Variants in MED31 observed in about 807,000 individuals in gnomAD.
MED31 encodes the protein mediator of RNA polymerase II transcription subunit 31.
A neutral mutation model predicts 22.0 loss-of-function variants in MED31; 11 were observed. The ratio of observed to expected loss-of-function variants is 0.50; its 90% CI spans 0.31 to 0.83. The LOEUF is 0.83. Ranked by LOEUF, MED31 falls within the 40% of genes least tolerant of loss-of-function variation. The pLI is 0.04. For missense variants in MED31, 122 were observed against 155.3 expected, an observed-to-expected ratio of 0.79 and a Z score of 1.14; for synonymous variants, 60 against 55.1, an observed-to-expected ratio of 1.09 and a Z score of -0.40.
At chr17:6,646,935 TGA>T (rs200721428) in intron 3 of MED31, among the ~76,000 whole-genome samples, 2,649 of 152,324 alleles carry the variant, frequency 0.017, 34 homozygotes, top group Non-Finnish European at 0.031. Context: ...CGTTCTATTC[TGA>T]GATAGGAGAA....
In MED31 at chr17:6,643,989, T is replaced by C. The variant is rs1413005089; in HGVS notation, c.*478A>G. The stretch of plus-strand genomic sequence containing the variant: ...GTCCTGCAGAATTCAAGAACCTTTA[T>C]GCAGTTCCTGTCCTATGATTTAAAG... On this transcript the variant is annotated 3_prime_UTR_variant, in exon 4 of 4. Coordinates refer to ENST00000225728, the MANE Select transcript of MED31 (RefSeq NM_016060.3). 2.5e-6 allele frequency: 1 copy of C among 398,228 alleles called. No homozygotes were observed. Among genetic ancestry groups the C allele is most frequent in the Non-Finnish European group, 4.4e-6 (1 of 226,204 alleles). 24.7% of individuals were successfully genotyped at this position (398,228 alleles called of 1,614,324 possible).
chr17:6,649,606 T>C (rs1462243089), intron 3 of MED31, among the ~76,000 whole-genome samples: 4 of 152,212 alleles, frequency 2.6e-5, no homozygotes, highest in African/African-American at 9.7e-5. Flanking sequence ...GGCCAGATCG[T>C]ATAAGGCTTT....
At chr17:6,649,906 T>C in intron 3 of MED31, 76 bp downstream of exon 3, 1 of 1,342,452 alleles carries the variant, frequency 7.4e-7, no homozygotes, top group South Asian at 1.7e-5. Flanking sequence ...CAAATACATT[T>C]TTGCCAATGT....
At chr17:6,645,461 C>T (rs1015184407) in intron 3 of MED31, among the ~76,000 whole-genome samples, 1 of 151,952 alleles carries the variant, frequency 6.6e-6, no homozygotes, top group African/African-American at 2.4e-5. Context: ...AGCAGGTTTC[C>T]TTGGAGAAAA....
intron 1 of MED31, among the ~76,000 whole-genome samples, chr17:6,651,067 G>C (rs1166127410): frequency 7.6e-6 from 1 of 131,638 alleles, no homozygotes; most frequent in Non-Finnish European, 1.5e-5. Context: ...CTTGCAGTGA[G>C]CCGAGATCGC....
At chr17:6,646,512 A>G (rs1972769346) in intron 3 of MED31, among the ~76,000 whole-genome samples, 1 of 152,130 alleles carries the variant, frequency 6.6e-6, no homozygotes, top group African/African-American at 2.4e-5. Context: ...TTTAGCCCCA[A>G]CTCTGTGCCC....
Position 6,644,188 on chromosome 17 carries a change from T to C in MED31, c.*279A>G, listed in dbSNP as rs868204492. 1.1e-4 allele frequency: 49 copies of C among 463,182 alleles called. 1 individual carries two copies. The highest frequency in any genetic ancestry group is 5.7e-4 in the South Asian group (11 of 19,164). 28.7% of individuals were successfully genotyped at this position (463,182 alleles called of 1,614,324 possible). On this transcript the variant is annotated 3_prime_UTR_variant, in exon 4 of 4. Transcript: ENST00000225728. ...CTACCCCATGCCCCAGTGCCTTATT[T>C]GGTCTAAAGCACCTAACTTTTCCAT... is the stretch of plus-strand genomic sequence containing the variant.
chr17:6,645,857 AATATG>A (rs1972761004), intron 3 of MED31, among the ~76,000 whole-genome samples: 1 of 152,236 alleles, frequency 6.6e-6, no homozygotes, highest in Non-Finnish European at 1.5e-5. Context: ...AAATACATGT[AATATG>A]ATATTTACAT....
intron 1 of MED31, 33 bp from the exon 2 acceptor site, chr17:6,650,466 C>T (rs1385783851): frequency 6.3e-7 from 1 of 1,594,856 alleles, no homozygotes; most frequent in African/African-American, 1.3e-5. Flanking sequence ...TCATGGAAAA[C>T]AAAGGTCACT....
chr17:6,644,870 GATTAA>G (rs750792385), intron 3 of MED31, among the ~76,000 whole-genome samples: 11 of 152,220 alleles, frequency 7.2e-5, no homozygotes, highest in Non-Finnish European at 1.3e-4. Context: ...AGTTCAGAAA[GATTAA>G]ATTAACTTGC....
intron 3 of MED31, 101 bp downstream of exon 3, chr17:6,649,878 AAAG>A: frequency 8.6e-7 from 1 of 1,163,180 alleles, no homozygotes; most frequent in Non-Finnish European, 1.2e-6. Flanking sequence ...GTGATAACAA[AAAG>A]AAGTGGAGAG....
rs769357602 is a variant in MED31, at chr17:6,646,293, A to AT, written c.204-1635dup. Among the ~76,000 whole-genome samples the AT allele has an allele frequency of 2.6e-5, 4 of 152,228 alleles. No homozygotes were observed. The East Asian group carries it at 7.7e-4, about 29-fold the overall frequency. On this transcript the variant is annotated intron_variant, in intron 3 of 3. Coordinates refer to ENST00000225728, the MANE Select transcript of MED31 (RefSeq NM_016060.3). ...ACAAAATACAGGAATTATCTTTACT[A>AT]TTTTTCCAGCTATTTTGTAAGTGAA...
At chr17:6,649,088 A>G (rs1972798509) in intron 3 of MED31, among the ~76,000 whole-genome samples, 1 of 152,064 alleles carries the variant, frequency 6.6e-6, no homozygotes, top group Non-Finnish European at 1.5e-5. Flanking sequence ...GACACAGAAA[A>G]GTGACTTTGA....
chr17:6,645,354 T>C (rs1972753627), intron 3 of MED31, among the ~76,000 whole-genome samples: 1 of 152,180 alleles, frequency 6.6e-6, no homozygotes, highest in Admixed American at 6.5e-5. Flanking sequence ...TACATACATA[T>C]ATATATAGTT....
Position 6,651,581 on chromosome 17 carries a change from A to T in MED31, c.-53T>A. 1 of 1,611,646 alleles carries T rather than the reference A, an allele frequency of 6.2e-7. No individual in the cohort carries two copies. The highest frequency in any genetic ancestry group is 8.5e-7 in the Non-Finnish European group (1 of 1,178,894). On this transcript the variant is annotated 5_prime_UTR_variant, in exon 1 of 4. Transcript: ENST00000225728. The stretch of plus-strand genomic sequence containing the variant: ...AGCCTGACAGAGCAAAAGCCCAGAG[A>T]CGCGGGCGAAGTTCCGGAAACCACG...
At chr17:6,651,457 G>A (rs374660747) in intron 1 of MED31, 44 bp downstream of exon 1, 18 of 1,613,290 alleles carry the variant, frequency 1.1e-5, no homozygotes, top group East Asian at 8.9e-5. Flanking sequence ...CTGGGTCAAG[G>A]AGAGTTCCAT....
rs1972738134 is a variant in MED31 at position 6,644,367 on chromosome 17, A to G, written c.*100T>C. 3 of 1,360,684 alleles carry G rather than the reference A, an allele frequency of 2.2e-6. No homozygotes were observed. The highest frequency in any genetic ancestry group is 2.1e-4 in the Middle Eastern group (1 of 4,848). 84.3% of individuals were successfully genotyped at this position (1,360,684 alleles called of 1,614,324 possible). The stretch of plus-strand genomic sequence containing the variant: ...CACTAAAGGTTCTAGGGGCTACCAT[A>G]ATAAAGGTAGATAGGAAGAGTTTTC... On this transcript the variant is annotated 3_prime_UTR_variant, in exon 4 of 4. Coordinates refer to ENST00000225728, the MANE Select transcript of MED31 (RefSeq NM_016060.3).
chr17:6,643,687 C>G lies in MED31; in HGVS notation c.*780G>C, dbSNP rs1972726046. The G allele has an allele frequency of 6.4e-6, 1 of 155,318 alleles. No individual in the cohort carries two copies. Among genetic ancestry groups the G allele is most frequent in the Non-Finnish European group, 1.4e-5 (1 of 70,094 alleles). 9.6% of individuals were successfully genotyped at this position (155,318 alleles called of 1,614,324 possible). A position where few individuals can be genotyped will look rare whatever the true frequency, so the allele number is the denominator to read the frequency against. ...CCACAGGCAAGTTACTCACCCCGTCCAAACCTCAGTTTTCTCTTCTATAAA... is the reference window on the plus strand; with the variant it reads ...CCACAGGCAAGTTACTCACCCCGTCGAAACCTCAGTTTTCTCTTCTATAAA... On this transcript the variant is annotated 3_prime_UTR_variant, in exon 4 of 4. Transcript: ENST00000225728.
At position 6,650,082 on chromosome 17, in the gene MED31, A is replaced by C. The variant is rs1972813629; in HGVS notation, c.107-4T>G. 1.9e-6 allele frequency: 3 copies of C among 1,581,488 alleles called. No individual in the cohort carries two copies. Among genetic ancestry groups the C allele is most frequent in the Non-Finnish European group, 2.6e-6 (3 of 1,171,316 alleles). ...AAGTAACCTCTTTGGGCAAGAACTG[A>C]AAAGCATTAAAAAAAAAAATCTGTA... On this transcript the variant is annotated splice_polypyrimidine_tract_variant and splice_region_variant and intron_variant, in intron 2 of 3. Coordinates refer to ENST00000225728, the MANE Select transcript of MED31 (RefSeq NM_016060.3).
Sources: allele counts gnomAD v4.1 joint callset (sites outside exome capture counted in the v4.1 genomes callset), GRCh38; gene constraint gnomAD v4.1.1; transcripts MANE v1.5; gene names NCBI Gene and HGNC (gene_info 2026-07-23, HGNC 2026-07-21).